Variants in NTF3 observed in about 807,000 individuals in gnomAD.
NTF3 encodes neurotrophin 3.
A neutral mutation model predicts 26.3 loss-of-function variants in NTF3; 8 were observed. The observed-to-expected ratio is 0.30, with a 90% CI of 0.18 to 0.55. The LOEUF is 0.55. Ranked by LOEUF, NTF3 falls within the 20% of genes least tolerant of loss-of-function variation. The probability of loss-of-function intolerance (pLI) is 0.93; values close to 1 mark genes in which losing one functional copy is unlikely to be tolerated. For synonymous variants in NTF3, 154 were observed against 145.5 expected, an observed-to-expected ratio of 1.06 and a Z score of -0.42; for missense variants, 276 against 352.9, an observed-to-expected ratio of 0.78 and a Z score of 1.75.
chr12:5,450,899 G>A (rs771197121), intron 1 of NTF3, among the ~76,000 whole-genome samples: 4 of 152,108 alleles, frequency 2.6e-5, no homozygotes, highest in Non-Finnish European at 4.4e-5. Context: ...ACTACTGCAT[G>A]GCACCTGGTA....
intron 1 of NTF3, among the ~76,000 whole-genome samples, chr12:5,435,249 T>C (rs530029064): frequency 6.6e-6 from 1 of 152,354 alleles, no homozygotes; most frequent in African/African-American, 2.4e-5. Flanking sequence ...CACCAGTTCA[T>C]ATTGATAATC....
chr12:5,448,169 A>G (rs1940329120), intron 1 of NTF3, among the ~76,000 whole-genome samples: 3 of 152,238 alleles, frequency 2.0e-5, no homozygotes, highest in African/African-American at 7.2e-5. Flanking sequence ...TTCCGCTACC[A>G]CAATGTCCCC....
In NTF3 at chr12:5,494,912, A is replaced by C; in HGVS notation, c.737A>C (p.Lys246Thr). The change falls in exon 2 of 2, where the codon AAA (lysine) becomes ACA (threonine). Residue 246 changes from lysine to threonine, a missense_variant. Lys to Thr is a moderately conservative substitution (Grantham distance 78). Coordinates refer to ENST00000423158, the MANE Select transcript of NTF3 (RefSeq NM_001102654.2). This position sits in a 1 kb window ranked among gnomAD's most constrained non-coding sequence, Gnocchi z 8.3. ...CGAGCACTGACTTCAGAGAACAATA[A>C]ACTCGTGGGCTGGCGGTGGATACGG... is the stretch of plus-strand genomic sequence containing the variant. ...YVRALTSENN[K>T]LVGWRWIRID... 6.2e-7 allele frequency: 1 copy of C among 1,614,096 alleles called. No individual in the cohort carries two copies. The highest frequency in any genetic ancestry group is 8.5e-7 in the Non-Finnish European group (1 of 1,180,008).
chr12:5,459,768 A>G (rs1045714855), intron 1 of NTF3, among the ~76,000 whole-genome samples: 1 of 152,060 alleles, frequency 6.6e-6, no homozygotes, highest in Non-Finnish European at 1.5e-5. Flanking sequence ...GCGTTCCTTC[A>G]ATTGTTTTCT....
At chr12:5,459,000 A>G (rs559358886) in intron 1 of NTF3, among the ~76,000 whole-genome samples, 33 of 152,342 alleles carry the variant, frequency 2.2e-4, no homozygotes, top group Non-Finnish European at 3.4e-4. Context: ...TGCCATGGAA[A>G]ATCCCACTCG....
At position 5,438,789 on chromosome 12, in the gene NTF3, G is replaced by A. The variant is rs115121994; in HGVS notation, c.18+6447G>A. On this transcript the variant is annotated intron_variant, in intron 1 of 1. Coordinates refer to ENST00000423158, the MANE Select transcript of NTF3 (RefSeq NM_001102654.2). The stretch of plus-strand genomic sequence containing the variant: ...TACTGTGTGACCCTGGACATTCTCT[G>A]TAGGACATGACTTTGCCATCTGTAA... 3.7e-3 allele frequency among the ~76,000 whole-genome samples: 562 copies of A among 152,316 alleles called. 2 individuals carry two copies. Among genetic ancestry groups the A allele is most frequent in the African/African-American group, 0.012 (514 of 41,574 alleles).
rs1396258360 is a variant in NTF3, at chr12:5,494,089, C to G, written c.19-105C>G. On this transcript the variant is annotated intron_variant, in intron 1 of 1. Coordinates refer to ENST00000423158, the MANE Select transcript of NTF3 (RefSeq NM_001102654.2). The surrounding 1 kb of genome is among the most constrained non-coding windows in gnomAD (Gnocchi z 8.3). ...CCTTGCTTACCTGGGGGGCGGTACCCTCTCTCGTGCCCTCACAGGGCTACT... is the reference window on the plus strand; with the variant it reads ...CCTTGCTTACCTGGGGGGCGGTACCGTCTCTCGTGCCCTCACAGGGCTACT... 1 of 1,064,296 alleles carries G rather than the reference C, an allele frequency of 9.4e-7. No homozygotes were observed. The highest frequency in any genetic ancestry group is 1.4e-6 in the Non-Finnish European group (1 of 733,804). The allele number at this position is 1,064,296 out of a possible 1,614,324, so 65.9% of individuals were successfully genotyped here. A position where few individuals can be genotyped will look rare whatever the true frequency, so the allele number is the denominator to read the frequency against.
intron 1 of NTF3, among the ~76,000 whole-genome samples, chr12:5,468,428 G>T (rs1467532071): frequency 6.6e-6 from 1 of 152,026 alleles, no homozygotes; most frequent in Non-Finnish European, 1.5e-5. Flanking sequence ...TATCAAATGA[G>T]GGCAGGTAAT....
chr12:5,439,674 T>C (rs1165343845), intron 1 of NTF3, among the ~76,000 whole-genome samples: 1 of 152,228 alleles, frequency 6.6e-6, no homozygotes, highest in Non-Finnish European at 1.5e-5. Context: ...CACAATTGCC[T>C]CCTTGTAAAC....
chr12:5,439,848 A>C (rs1193049830), intron 1 of NTF3, among the ~76,000 whole-genome samples: 5 of 152,224 alleles, frequency 3.3e-5, no homozygotes, highest in Non-Finnish European at 4.4e-5. Flanking sequence ...TTTCTTTGAT[A>C]GGCTAGGGAA....
intron 1 of NTF3, among the ~76,000 whole-genome samples, chr12:5,480,087 C>T (rs1178260433): frequency 1.3e-5 from 2 of 152,220 alleles, no homozygotes; most frequent in African/African-American, 2.4e-5. Flanking sequence ...TCCAGTGCAG[C>T]CCCTCCAGAG....
intron 1 of NTF3, among the ~76,000 whole-genome samples, chr12:5,476,661 C>T (rs1370186558): frequency 6.6e-6 from 1 of 152,118 alleles, no homozygotes; most frequent in Non-Finnish European, 1.5e-5. Flanking sequence ...CATGGAGATA[C>T]TTATTGCAGC....
chr12:5,454,419 A>T (rs1052444412), intron 1 of NTF3, among the ~76,000 whole-genome samples: 1 of 152,132 alleles, frequency 6.6e-6, no homozygotes, highest in Non-Finnish European at 1.5e-5. Flanking sequence ...TTTCCAAATA[A>T]GGTCATGTGC....
Position 5,495,168 on chromosome 12 carries a change from C to T in NTF3, c.*180C>T, listed in dbSNP as rs984986372. The T allele has an allele frequency of 5.4e-5, 36 of 660,612 alleles. No individual in the cohort carries two copies. Among genetic ancestry groups the T allele is most frequent in the Admixed American group, 3.5e-4 (11 of 31,138 alleles). 40.9% of individuals were successfully genotyped at this position (660,612 alleles called of 1,614,324 possible). On this transcript the variant is annotated 3_prime_UTR_variant, in exon 2 of 2. Transcript: ENST00000423158. ...TCAGTGTGCTTGCCTTCCCTCAGGC[C>T]TCTCCCATCTGTTAAAACTTGTTTT...
intron 1 of NTF3, 43 bp downstream of exon 1, chr12:5,432,385 A>G (rs1208520067): frequency 8.1e-6 from 11 of 1,366,264 alleles, no homozygotes; most frequent in Non-Finnish European, 1.1e-5. Context: ...AGGTTTGGGG[A>G]TGGGGGTCCA....
At chr12:5,492,393 T>A (rs1157541114) in intron 1 of NTF3, among the ~76,000 whole-genome samples, 1 of 152,268 alleles carries the variant, frequency 6.6e-6, no homozygotes, top group Admixed American at 6.5e-5. Context: ...ATGATTTTAT[T>A]GCAGCTGTAT....
At chr12:5,490,010 A>G (rs1264546214) in intron 1 of NTF3, among the ~76,000 whole-genome samples, 2 of 152,204 alleles carry the variant, frequency 1.3e-5, no homozygotes, top group Admixed American at 1.3e-4. Context: ...AAAATCGCAC[A>G]TGCACGTCGG....
chr12:5,434,606 G>A (rs938598315), intron 1 of NTF3, among the ~76,000 whole-genome samples: 1 of 151,918 alleles, frequency 6.6e-6, no homozygotes, highest in South Asian at 2.1e-4. Context: ...TGTGCTTAGC[G>A]GGAGACAAGA....
intron 1 of NTF3, among the ~76,000 whole-genome samples, chr12:5,487,622 T>C (rs1304863030): frequency 6.6e-6 from 1 of 152,220 alleles, no homozygotes; most frequent in Non-Finnish European, 1.5e-5. Flanking sequence ...TGTCTTGTCC[T>C]GTTTCAGATC....
Sources: allele counts gnomAD v4.1 joint callset (sites outside exome capture counted in the v4.1 genomes callset), GRCh38; gene constraint gnomAD v4.1.1; non-coding constraint Gnocchi (gnomAD v3.1); transcripts MANE v1.5; gene names NCBI Gene and HGNC (gene_info 2026-07-23, HGNC 2026-07-21).